The following ZNF354B variants were observed in gnomAD, a reference collection of about 807,000 sequenced individuals.
The protein encoded by ZNF354B is zinc finger protein 354B.
In ZNF354B, 10 loss-of-function variants were observed where a neutral mutation model predicts 12.9. The ratio of observed to expected loss-of-function variants is 0.77; its 90% CI spans 0.48 to 1.31. ZNF354B has a LOEUF of 1.31. Ranked by LOEUF, ZNF354B falls within the 40% of genes most tolerant of loss-of-function variation. ZNF354B has a pLI of 0.00. For missense variants in ZNF354B, 614 were observed against 711.7 expected, an observed-to-expected ratio of 0.86 and a Z score of 1.56; for synonymous variants, 260 against 243.7, an observed-to-expected ratio of 1.07 and a Z score of -0.62.
chr5:178,884,866 C>T lies in ZNF354B; in HGVS notation c.*575C>T, dbSNP rs1048626997. 13 of 152,158 alleles carry T rather than the reference C, an allele frequency of 8.5e-5. No homozygotes were observed. Among genetic ancestry groups the T allele is most frequent in the Middle Eastern group, 3.2e-3 (1 of 316 alleles). The allele number at this position is 152,158 out of a possible 1,614,324, so 9.4% of individuals were successfully genotyped here. A position where few individuals can be genotyped will look rare whatever the true frequency, so the allele number is the denominator to read the frequency against. Reference sequence around the variant, plus strand: ...ATTTATGGTAGTGGGGGACTACATTCGCACTTTCTCCTGAAATATATATAT... The same window carrying T: ...ATTTATGGTAGTGGGGGACTACATTTGCACTTTCTCCTGAAATATATATAT... On this transcript the variant is annotated 3_prime_UTR_variant, in exon 5 of 5. Transcript: ENST00000322434.
In ZNF354B at chr5:178,866,730, C is replaced by G. The variant is rs192990184; in HGVS notation, c.161-246C>G. On this transcript the variant is annotated intron_variant, in intron 3 of 4. Coordinates refer to ENST00000322434, the MANE Select transcript of ZNF354B (RefSeq NM_058230.3). ...CATCGACCTACCATTGCCTTTCCCA[C>G]TGCTCCTTTGCAGCCAGATGAATCT... is the stretch of plus-strand genomic sequence containing the variant. Among the ~76,000 whole-genome samples, 152 of 152,290 alleles carry G rather than the reference C, an allele frequency of 1.0e-3. 1 individual carries two copies. The highest frequency in any genetic ancestry group is 3.3e-3 in the African/African-American group (137 of 41,560).
At chr5:178,872,538 G>A (rs570165738) in intron 4 of ZNF354B, among the ~76,000 whole-genome samples, 1 of 152,192 alleles carries the variant, frequency 6.6e-6, no homozygotes, top group Non-Finnish European at 1.5e-5. Flanking sequence ...GTAGTTGTAG[G>A]TTTAGTTTTT....
At position 178,884,005 on chromosome 5, in the gene ZNF354B, G is replaced by C; in HGVS notation, c.1553G>C (p.Gly518Ala). The change falls in exon 5 of 5, where the codon GGA (glycine) becomes GCA (alanine). Residue 518 changes from glycine (G) to alanine (A), a missense_variant. Transcript: ENST00000322434. ...AGTAATCACCAGAGAATTCATACTGGAGAGAAACCATATCGATGTTTAGAA... is the reference window on the plus strand; with the variant it reads ...AGTAATCACCAGAGAATTCATACTGCAGAGAAACCATATCGATGTTTAGAA... ...SLSNHQRIHT[G>A]EKPYRCLECG... 1 of 1,614,094 alleles carries C rather than the reference G, an allele frequency of 6.2e-7. No homozygotes were observed. The highest frequency in any genetic ancestry group is 8.5e-7 in the Non-Finnish European group (1 of 1,179,986).
At chr5:178,877,754 G>A (rs1191646000) in intron 4 of ZNF354B, among the ~76,000 whole-genome samples, 3 of 152,168 alleles carry the variant, frequency 2.0e-5, no homozygotes, top group African/African-American at 7.2e-5. Context: ...GAGGAGATTG[G>A]AGATGGGTAG....
intron 4 of ZNF354B, among the ~76,000 whole-genome samples, chr5:178,869,581 T>C (rs1757528932): frequency 6.6e-6 from 1 of 152,118 alleles, no homozygotes; most frequent in South Asian, 2.1e-4. Flanking sequence ...GAGCACCTGA[T>C]GGCTGAGTAA....
At chr5:178,867,282 G>C (rs1216861895) in intron 4 of ZNF354B, among the ~76,000 whole-genome samples, 1 of 152,142 alleles carries the variant, frequency 6.6e-6, no homozygotes, top group Non-Finnish European at 1.5e-5. Flanking sequence ...ACTCTTTCCT[G>C]TTGTTTTAGA....
intron 4 of ZNF354B, among the ~76,000 whole-genome samples, chr5:178,868,367 G>A (rs1436455955): frequency 2.7e-5 from 4 of 149,692 alleles, no homozygotes; most frequent in South Asian, 2.1e-4. Context: ...CATCGTGGCA[G>A]TGGGGGACTG....
chr5:178,875,397 A>G (rs1271907086), intron 4 of ZNF354B, among the ~76,000 whole-genome samples: 1 of 151,980 alleles, frequency 6.6e-6, no homozygotes, highest in African/African-American at 2.4e-5. Context: ...CAAGATGGGG[A>G]AGGAGGCCCT....
intron 4 of ZNF354B, among the ~76,000 whole-genome samples, chr5:178,880,353 C>T (rs576777773): frequency 1.8e-4 from 28 of 151,740 alleles, no homozygotes; most frequent in South Asian, 1.5e-3. Context: ...GGGCACGCCA[C>T]CACACCCAGC....
At chr5:178,868,089 G>A (rs1302614183) in intron 4 of ZNF354B, among the ~76,000 whole-genome samples, 1 of 151,896 alleles carries the variant, frequency 6.6e-6, no homozygotes, top group Non-Finnish European at 1.5e-5. Context: ...GGGTACAGGA[G>A]CAGTTGGGTG....
intron 4 of ZNF354B, among the ~76,000 whole-genome samples, chr5:178,875,048 T>G (rs1384844712): frequency 3.3e-5 from 5 of 152,158 alleles, no homozygotes; most frequent in Non-Finnish European, 7.3e-5. Context: ...TGGGCTTAAG[T>G]GTTATGGCCA....
At chr5:178,878,983 G>C (rs550347788) in intron 4 of ZNF354B, among the ~76,000 whole-genome samples, 1 of 152,036 alleles carries the variant, frequency 6.6e-6, no homozygotes, top group Non-Finnish European at 1.5e-5. Context: ...TTACGGGTGT[G>C]AGCCACCACA....
chr5:178,860,122 G>T lies in ZNF354B; in HGVS notation c.-57G>T, dbSNP rs1367577607. The T allele has an allele frequency of 6.5e-6, 1 of 152,736 alleles. No homozygotes were observed. The highest frequency in any genetic ancestry group is 1.5e-5 in the Non-Finnish European group (1 of 68,526). 9.5% of individuals were successfully genotyped at this position (152,736 alleles called of 1,614,324 possible). On this transcript the variant is annotated 5_prime_UTR_variant, in exon 1 of 5. Transcript: ENST00000322434. ...GCGCGGCCCGGGAACGCGGGATCCT[G>T]GGGAGGTGAGCGGCATGGCTGGCTG...
chr5:178,880,412 A>G (rs917193338), intron 4 of ZNF354B, among the ~76,000 whole-genome samples: 2 of 150,726 alleles, frequency 1.3e-5, no homozygotes, highest in African/African-American at 4.9e-5. Flanking sequence ...GTTGGCCAGG[A>G]TGGTCTCGAT....
At chr5:178,867,167 A>G in intron 4 of ZNF354B, 96 bp downstream of exon 4, 3 of 1,199,308 alleles carry the variant, frequency 2.5e-6, no homozygotes, top group Non-Finnish European at 3.7e-6. Flanking sequence ...TCCCTTGAGA[A>G]TTCTCAGGCC....
At chr5:178,873,954 CTT>C (rs34448849) in intron 4 of ZNF354B, among the ~76,000 whole-genome samples, 1 of 132,954 alleles carries the variant, frequency 7.5e-6, no homozygotes, top group Non-Finnish European at 1.6e-5. Flanking sequence ...TTTTTTTTTT[CTT>C]TTTTTTTTTT....
Position 178,866,156 on chromosome 5 carries a change from G to A in ZNF354B, c.34-88G>A, listed in dbSNP as rs938615087. 7 of 1,552,246 alleles carry A rather than the reference G, an allele frequency of 4.5e-6. No homozygotes were observed. In the Admixed American group the frequency reaches 1.4e-4, roughly 31 times the overall value. On this transcript the variant is annotated intron_variant, in intron 2 of 4. Transcript: ENST00000322434. ...CAGAAGCTTGAATAGTATGAGAAGT[G>A]TTTCACGGGTAGCGTGTCTTCCCCA...
At chr5:178,880,358 C>G (rs1191774287) in intron 4 of ZNF354B, among the ~76,000 whole-genome samples, 1 of 151,580 alleles carries the variant, frequency 6.6e-6, no homozygotes, top group Non-Finnish European at 1.5e-5. Context: ...CGCCACCACA[C>G]CCAGCTAACT....
chr5:178,863,760 C>T (rs2114006751), intron 2 of ZNF354B, among the ~76,000 whole-genome samples: 1 of 152,238 alleles, frequency 6.6e-6, no homozygotes, highest in Non-Finnish European at 1.5e-5. Flanking sequence ...GAAGACCTTC[C>T]AGTGGGGCAG....
Sources: allele counts gnomAD v4.1 joint callset (sites outside exome capture counted in the v4.1 genomes callset), GRCh38; gene constraint gnomAD v4.1.1; transcripts MANE v1.5; gene names NCBI Gene and HGNC (gene_info 2026-07-23, HGNC 2026-07-21).